The following BAIAP2L1 variants were observed in gnomAD, a reference collection of about 807,000 sequenced individuals.
BAIAP2L1 encodes BAR/IMD domain containing adaptor protein 2 like 1, also known as BAR/IMD domain-containing adapter protein 2-like 1.
In BAIAP2L1, 35 loss-of-function variants were observed where a neutral mutation model predicts 66.3. The ratio of observed to expected loss-of-function variants is 0.53; its 90% CI spans 0.40 to 0.70. BAIAP2L1 has a LOEUF of 0.70. Ranked by LOEUF, BAIAP2L1 falls within the 30% of genes least tolerant of loss-of-function variation. The pLI, the probability that BAIAP2L1 is intolerant of heterozygous loss-of-function variation, is 0.00. For missense variants in BAIAP2L1, 622 were observed against 656.9 expected (o/e 0.95, Z 0.58); for synonymous variants, 269 against 248.7 (o/e 1.08, Z -0.77).
intron 3 of BAIAP2L1, among the ~76,000 whole-genome samples, chr7:98,346,566 T>G (rs1801876421): frequency 6.6e-6 from 1 of 152,078 alleles, no homozygotes. Flanking sequence ...TCCAAGGTAC[T>G]CTCAAATAAA....
chr7:98,308,128 C>G (rs1286800090), intron 9 of BAIAP2L1: 3 of 656,026 alleles, frequency 4.6e-6, no homozygotes, highest in African/African-American at 1.8e-5. Context: ...AGAAGAGGAT[C>G]CCTGCGGCTG....
intron 12 of BAIAP2L1, among the ~76,000 whole-genome samples, chr7:98,296,551 G>A (rs1800199698): frequency 6.6e-6 from 1 of 152,206 alleles, no homozygotes; most frequent in Non-Finnish European, 1.5e-5. Flanking sequence ...CTTGAACAGG[G>A]AGGCAGAGGT....
chr7:98,306,737 T>G, intron 10 of BAIAP2L1: 1 of 616,454 alleles, frequency 1.6e-6, no homozygotes, highest in South Asian at 2.0e-5. Flanking sequence ...AGACAGGGTC[T>G]CGCTCTGTTG....
chr7:98,299,354 C>T (rs1432054027), intron 12 of BAIAP2L1, among the ~76,000 whole-genome samples: 1 of 151,916 alleles, frequency 6.6e-6, no homozygotes, highest in Admixed American at 6.6e-5. Flanking sequence ...GACGAGGTCC[C>T]ACTATATTGC....
At chr7:98,400,261 C>CT in intron 1 of BAIAP2L1, 2 of 89,940 alleles carry the variant, frequency 2.2e-5, no homozygotes, top group Admixed American at 1.5e-4. Flanking sequence ...GGAGAAGGGA[C>CT]GGGGAGGAGA....
chr7:98,339,234 CAA>C (rs1309990596), intron 3 of BAIAP2L1, among the ~76,000 whole-genome samples: 1 of 152,136 alleles, frequency 6.6e-6, no homozygotes, highest in Admixed American at 6.6e-5. Context: ...TGCCCACCAG[CAA>C]TGGTCAAGGG....
chr7:98,390,886 G>C (rs1803021892), intron 1 of BAIAP2L1, among the ~76,000 whole-genome samples: 1 of 152,030 alleles, frequency 6.6e-6, no homozygotes, highest in Non-Finnish European at 1.5e-5. Context: ...TGCCAGGCTA[G>C]AGTGCGGTGG....
intron 1 of BAIAP2L1, among the ~76,000 whole-genome samples, chr7:98,386,792 A>C (rs1053610645): frequency 2.2e-5 from 3 of 134,608 alleles, no homozygotes; most frequent in Non-Finnish European, 4.6e-5. Context: ...CTCTGCCTCC[A>C]GGTTTCAAGT....
At position 98,304,238 on chromosome 7, in the gene BAIAP2L1, G is replaced by A; in HGVS notation, c.1380C>T (p.Ser460=). 1 of 1,612,712 alleles carries A rather than the reference G, an allele frequency of 6.2e-7. No homozygotes were observed. Among genetic ancestry groups the A allele is most frequent in the Middle Eastern group, 1.7e-4 (1 of 6,058 alleles). Reference sequence around the variant, plus strand: ...GCTTGGACGCTGGGGCCTTAAAGGTGGATGTCGTCCTGGCCGAATCTGCTC... The same window carrying A: ...GCTTGGACGCTGGGGCCTTAAAGGTAGATGTCGTCCTGGCCGAATCTGCTC... ...DRRADSARTT[S]TFKAPASKPE... is the part of the protein sequence containing the mutation. Residue 460 remains serine (S), a synonymous_variant, in exon 12 of 14, where the codon TCC becomes TCT. Transcript: ENST00000005260.
intron 3 of BAIAP2L1, among the ~76,000 whole-genome samples, chr7:98,347,202 C>G (rs1000269985): frequency 6.6e-5 from 10 of 152,156 alleles, no homozygotes; most frequent in Admixed American, 5.9e-4. Flanking sequence ...CTATTTACAC[C>G]ACTCCTGGTA....
In BAIAP2L1 at chr7:98,304,142, CAGTCGGGGATGGCG is replaced by C. The variant is rs1289191840; in HGVS notation, c.1422+40_1422+53del. 14 of 1,486,626 alleles carry C rather than the reference CAGTCGGGGATGGCG, an allele frequency of 9.4e-6. No homozygotes were observed. The African/African-American group carries it at 2.0e-4, about 21-fold the overall frequency. The allele number at this position is 1,486,626 out of a possible 1,614,324, so 92.1% of individuals were successfully genotyped here. A position where few individuals can be genotyped will look rare whatever the true frequency, so the allele number is the denominator to read the frequency against. On this transcript the variant is annotated intron_variant, in intron 12 of 13. Coordinates refer to ENST00000005260, the MANE Select transcript of BAIAP2L1 (RefSeq NM_018842.5). ...CGGTCACCACAGGACCTGCGCCTCC[CAGTCGGGGATGGCG>C]AGTCCAGGACCCAGGACGCCCTGCT...
intron 3 of BAIAP2L1, among the ~76,000 whole-genome samples, chr7:98,330,712 G>A (rs1243844495): frequency 2.6e-5 from 4 of 152,036 alleles, no homozygotes; most frequent in Non-Finnish European, 4.4e-5. Context: ...TGGGTTCTGC[G>A]TGGTACCAGC....
Position 98,293,561 on chromosome 7 carries a change from G to A in BAIAP2L1, c.1496C>T (p.Pro499Leu). 1.9e-6 allele frequency: 3 copies of A among 1,613,884 alleles called. No homozygotes were observed. Among genetic ancestry groups the A allele is most frequent in the South Asian group, 1.1e-5 (1 of 91,066 alleles). Residue 499 changes from proline (P) to leucine (L), a missense_variant, in exon 14 of 14, where the codon CCG becomes CTG. Physicochemically the swap from Pro to Leu is moderately conservative, Grantham distance 98. Transcript: ENST00000005260. ...ENPFATVKLR[P>L]TVTNDRSAPI... ...TGCCGAGCGATCATTCGTCACAGTC[G>A]GGCGGAGTTTCACAGTGGCAAAGGG...
chr7:98,373,225 G>T (rs1393199129), intron 1 of BAIAP2L1, among the ~76,000 whole-genome samples: 1 of 152,146 alleles, frequency 6.6e-6, no homozygotes, highest in African/African-American at 2.4e-5. Flanking sequence ...GAGTCATGCT[G>T]TTCATACCCA....
chr7:98,340,963 T>G (rs1467090377), intron 3 of BAIAP2L1, among the ~76,000 whole-genome samples: 1 of 150,304 alleles, frequency 6.7e-6, no homozygotes, highest in Admixed American at 6.6e-5. Flanking sequence ...TAATTGGTTT[T>G]TTTTTTTTTT....
chr7:98,387,976 T>C (rs1802936189), intron 1 of BAIAP2L1, among the ~76,000 whole-genome samples: 1 of 152,162 alleles, frequency 6.6e-6, no homozygotes, highest in South Asian at 2.1e-4. Flanking sequence ...TTCAACACTA[T>C]TCTCTTATCA....
At chr7:98,361,664 A>G (rs769717023) in intron 2 of BAIAP2L1, among the ~76,000 whole-genome samples, 11 of 152,208 alleles carry the variant, frequency 7.2e-5, no homozygotes, top group Non-Finnish European at 1.5e-4. Context: ...AATGAAGCAT[A>G]TATTTTGAAA....
intron 12 of BAIAP2L1, among the ~76,000 whole-genome samples, chr7:98,294,368 C>G (rs900920188): frequency 6.6e-6 from 1 of 152,178 alleles, no homozygotes; most frequent in African/African-American, 2.4e-5. Context: ...TGCCCTGTCC[C>G]AATCTGTTAG....
chr7:98,342,621 C>T (rs996415524), intron 3 of BAIAP2L1, among the ~76,000 whole-genome samples: 1 of 152,102 alleles, frequency 6.6e-6, no homozygotes, highest in Non-Finnish European at 1.5e-5. Flanking sequence ...AATAACATAG[C>T]CTAAATTTAC....
Sources: allele counts gnomAD v4.1 joint callset (sites outside exome capture counted in the v4.1 genomes callset), GRCh38; gene constraint gnomAD v4.1.1; transcripts MANE v1.5; gene names NCBI Gene and HGNC (gene_info 2026-07-23, HGNC 2026-07-21).